The following OXR1 variants were observed in gnomAD, a reference collection of about 807,000 sequenced individuals.
The protein encoded by OXR1 is oxidation resistance 1, also known as oxidation resistance protein 1.
OXR1 carries 41 observed loss-of-function variants against 104.6 expected under a neutral mutation model. That is an observed-to-expected ratio of 0.39 (90% confidence interval 0.31 to 0.51). The LOEUF is 0.51. OXR1 is among the 20% of genes least tolerant of loss of function. The pLI, the probability that OXR1 is intolerant of heterozygous loss-of-function variation, is 0.77. For synonymous variants in OXR1, 348 were observed against 348.4 expected (o/e 1.00, Z 0.01); for missense variants, 955 against 1,031.9 (o/e 0.93, Z 1.02).
chr8:106,651,595 C>T (rs771606304), intron 3 of OXR1, among the ~76,000 whole-genome samples: 8 of 152,084 alleles, frequency 5.3e-5, no homozygotes, highest in Non-Finnish European at 1.0e-4. Context: ...TACTTCTGAA[C>T]CCTGAATTAT....
chr8:106,468,636 A>G (rs1821317637), intron 2 of OXR1, among the ~76,000 whole-genome samples: 1 of 151,778 alleles, frequency 6.6e-6, no homozygotes, highest in South Asian at 2.1e-4. Context: ...AGTCATGGTA[A>G]GGAATTTTGT....
At chr8:106,314,950 C>A (rs1028096899) in intron 1 of OXR1, among the ~76,000 whole-genome samples, 4 of 152,020 alleles carry the variant, frequency 2.6e-5, no homozygotes, top group Admixed American at 6.6e-5. Context: ...GAGTAAGTAT[C>A]CCCGAATAAT....
intron 1 of OXR1, among the ~76,000 whole-genome samples, chr8:106,316,187 A>G (rs1813930858): frequency 6.6e-6 from 1 of 152,206 alleles, no homozygotes; most frequent in African/African-American, 2.4e-5. Context: ...ATATCAGATG[A>G]TTATATCAAT....
At chr8:106,271,007 A>G (rs919038128) in intron 1 of OXR1, among the ~76,000 whole-genome samples, 2 of 152,074 alleles carry the variant, frequency 1.3e-5, no homozygotes, top group East Asian at 3.9e-4. Context: ...ACCCGAGGCC[A>G]CATGTTGGGA....
At chr8:106,658,239 G>A (rs1346395105) in intron 3 of OXR1, 1 of 1,230,042 alleles carries the variant, frequency 8.1e-7, no homozygotes, top group Non-Finnish European at 1.0e-6. Flanking sequence ...TGAGGGCTGT[G>A]GGGAGGCGGC....
intron 2 of OXR1, among the ~76,000 whole-genome samples, chr8:106,392,215 C>T (rs1586597524): frequency 6.6e-6 from 1 of 152,158 alleles, no homozygotes; most frequent in Admixed American, 6.5e-5. Context: ...GTTTCTTGTA[C>T]ATAGGAAATC....
At chr8:106,675,476 C>A (rs1486693819) in intron 3 of OXR1, among the ~76,000 whole-genome samples, 1 of 152,012 alleles carries the variant, frequency 6.6e-6, no homozygotes, top group Non-Finnish European at 1.5e-5. Context: ...TAGCTGTGTC[C>A]CAGAGATTCT....
chr8:106,460,848 A>G (rs989935516), intron 2 of OXR1, among the ~76,000 whole-genome samples: 1 of 152,182 alleles, frequency 6.6e-6, no homozygotes, highest in Non-Finnish European at 1.5e-5. Flanking sequence ...TTTTACAGCT[A>G]TTTATATACA....
At chr8:106,671,122 T>A in intron 3 of OXR1, among the ~76,000 whole-genome samples, 1 of 131,666 alleles carries the variant, frequency 7.6e-6, no homozygotes. Flanking sequence ...AGCATCCCTA[T>A]CAACCTCTAG....
chr8:106,383,927 T>C (rs1817262468), intron 2 of OXR1, among the ~76,000 whole-genome samples: 1 of 152,220 alleles, frequency 6.6e-6, no homozygotes. Context: ...TTTTATTTGT[T>C]CATAAAGTTA....
intron 3 of OXR1, among the ~76,000 whole-genome samples, chr8:106,665,284 G>T (rs1826167324): frequency 6.6e-6 from 1 of 152,124 alleles, no homozygotes; most frequent in Non-Finnish European, 1.5e-5. Context: ...CACATCTTTG[G>T]ATGTGGGAGG....
At chr8:106,604,081 AC>A (rs1253822529) in intron 3 of OXR1, among the ~76,000 whole-genome samples, 5 of 152,070 alleles carry the variant, frequency 3.3e-5, no homozygotes, top group African/African-American at 1.2e-4. Flanking sequence ...CAAACAAAAA[AC>A]AGAAGAAACC....
chr8:106,470,837 A>T (rs775311191), intron 2 of OXR1, among the ~76,000 whole-genome samples: 2 of 151,728 alleles, frequency 1.3e-5, no homozygotes, highest in African/African-American at 4.8e-5. Flanking sequence ...AAGGAAGGGT[A>T]TGAAGGAAGA....
intron 3 of OXR1, among the ~76,000 whole-genome samples, chr8:106,673,588 G>T (rs1457555589): frequency 6.6e-6 from 1 of 152,162 alleles, no homozygotes; most frequent in African/African-American, 2.4e-5. Flanking sequence ...TAAGTAACGA[G>T]GAGACAAATG....
intron 2 of OXR1, among the ~76,000 whole-genome samples, chr8:106,496,951 G>T (rs1811455025): frequency 6.6e-6 from 1 of 152,114 alleles, no homozygotes; most frequent in East Asian, 1.9e-4. Context: ...TCAAGGAAGG[G>T]GGCACTTCCT....
chr8:106,603,493 A>G (rs563406409), intron 3 of OXR1, among the ~76,000 whole-genome samples: 10 of 152,210 alleles, frequency 6.6e-5, no homozygotes, highest in Non-Finnish European at 1.0e-4. Context: ...CTGTCAAGTA[A>G]AACCTCCACA....
At chr8:106,653,915 A>G (rs1824837184) in intron 3 of OXR1, among the ~76,000 whole-genome samples, 1 of 152,100 alleles carries the variant, frequency 6.6e-6, no homozygotes, top group South Asian at 2.1e-4. Context: ...CAGTATTCAA[A>G]AATCAATTTT....
In OXR1 at chr8:106,751,423, A is replaced by C. The variant is rs1449388579; in HGVS notation, c.*482A>C. On this transcript the variant is annotated 3_prime_UTR_variant, in exon 17 of 17. Coordinates refer to ENST00000517566, the MANE Select transcript of OXR1 (RefSeq NM_001198533.2). ...TTCATCTTATTCTTAGGAAGGAAAA[A>C]ATCACTTGCCAAAATAATACATACT... is the stretch of plus-strand genomic sequence containing the variant. The C allele has an allele frequency of 2.0e-5, 3 of 152,670 alleles. No individual in the cohort carries two copies. The highest frequency in any genetic ancestry group is 7.2e-5 in the African/African-American group (3 of 41,454). The allele number at this position is 152,670 out of a possible 1,614,324, so 9.5% of individuals were successfully genotyped here.
intron 2 of OXR1, among the ~76,000 whole-genome samples, chr8:106,366,438 G>A (rs1024881705): frequency 4.6e-5 from 7 of 152,226 alleles, no homozygotes; most frequent in African/African-American, 1.4e-4. Flanking sequence ...AATCGTCTAC[G>A]ATATAATTTA....
Sources: gnomAD v4.1 joint callset for allele counts (sites outside exome capture counted in the v4.1 genomes callset) on GRCh38, gnomAD v4.1.1 for gene constraint, MANE v1.5 for transcripts, NCBI Gene and HGNC (gene_info 2026-07-23, HGNC 2026-07-21) for gene names.